Variants in FOXP2 observed in about 807,000 individuals in gnomAD.
FOXP2 encodes the protein forkhead box protein P2.
A neutral mutation model predicts 115.8 loss-of-function variants in FOXP2; 12 were observed. The ratio of observed to expected loss-of-function variants is 0.10; its 90% confidence interval spans 0.07 to 0.17. The LOEUF (loss-of-function observed/expected upper bound fraction) is 0.17, where lower values mean the gene tolerates loss of function less well. FOXP2 is among the 10% of genes least tolerant of loss of function. The probability of loss-of-function intolerance (pLI) is 1.00; values close to 1 mark genes in which losing one functional copy is unlikely to be tolerated. For synonymous variants in FOXP2, 328 were observed against 297.7 expected (o/e 1.10, Z -1.05); for missense variants, 629 against 843.5 (o/e 0.75, Z 3.15).
chr7:114,394,001 TGTGTGAGA>T (rs71149743), intron 2 of FOXP2, among the ~76,000 whole-genome samples: 59,606 of 101,714 alleles, frequency 0.59, 13,962 homozygotes, highest in East Asian at 0.86. Flanking sequence ...TGTGTGTGTG[TGTGTGAGA>T]GAGAGAGAGA....
At chr7:114,478,224 T>A (rs73436113) in intron 2 of FOXP2, among the ~76,000 whole-genome samples, 1,701 of 151,986 alleles carry the variant, frequency 0.011, 16 homozygotes, top group Middle Eastern at 0.031. Flanking sequence ...CACATGAGTA[T>A]GTTGAATGGG....
chr7:114,364,341 G>T (rs1791826112), intron 2 of FOXP2, among the ~76,000 whole-genome samples: 2 of 152,102 alleles, frequency 1.3e-5, no homozygotes, highest in Non-Finnish European at 1.5e-5. Flanking sequence ...ATGTGGCACA[G>T]GATACACCCC....
chr7:114,493,577 T>G (rs766077388), intron 2 of FOXP2, among the ~76,000 whole-genome samples: 9 of 152,042 alleles, frequency 5.9e-5, no homozygotes, highest in Non-Finnish European at 8.8e-5. Context: ...TCAATATCAT[T>G]TATGTACAAA....
chr7:114,489,156 A>AT (rs1355262977), intron 2 of FOXP2, among the ~76,000 whole-genome samples: 1 of 152,190 alleles, frequency 6.6e-6, no homozygotes, highest in African/African-American at 2.4e-5. Context: ...CACTGCTATG[A>AT]TAACACCACA....
intron 3 of FOXP2, among the ~76,000 whole-genome samples, chr7:114,569,458 A>C (rs1427580351): frequency 6.6e-6 from 1 of 151,962 alleles, no homozygotes; most frequent in Non-Finnish European, 1.5e-5. Flanking sequence ...AATTGGAGTT[A>C]ACCTCATAGT....
intron 1 of FOXP2, among the ~76,000 whole-genome samples, chr7:114,115,319 T>A (rs1791374661): frequency 6.6e-6 from 1 of 152,212 alleles, no homozygotes; most frequent in Non-Finnish European, 1.5e-5. Flanking sequence ...TCCAGAAGGT[T>A]CTCTAACACA....
At position 114,562,011 on chromosome 7, in the gene FOXP2, C is replaced by T. The variant is rs975948866; in HGVS notation, c.258+27305C>T. ...GTGGACCTAAGGAATTCCCATTCTGCGCACTATGTTCTCTTGCACCATACT... is the reference window on the plus strand; with the variant it reads ...GTGGACCTAAGGAATTCCCATTCTGTGCACTATGTTCTCTTGCACCATACT... On this transcript the variant is annotated intron_variant, in intron 3 of 16. Coordinates refer to ENST00000350908, the MANE Select transcript of FOXP2 (RefSeq NM_014491.4). 4.6e-5 allele frequency among the ~76,000 whole-genome samples: 7 copies of T among 152,166 alleles called. No homozygotes were observed. The East Asian group carries it at 5.8e-4, about 13-fold the overall frequency.
At chr7:114,679,525 G>A (rs984128368) in intron 16 of FOXP2, among the ~76,000 whole-genome samples, 1 of 152,112 alleles carries the variant, frequency 6.6e-6, no homozygotes, top group Non-Finnish European at 1.5e-5. Flanking sequence ...CCTTTGAGCA[G>A]AGATTAAATT....
chr7:114,568,555 T>C (rs1168150276), intron 3 of FOXP2, among the ~76,000 whole-genome samples: 1 of 151,848 alleles, frequency 6.6e-6, no homozygotes, highest in Non-Finnish European at 1.5e-5. Context: ...TATGGTTAGG[T>C]TTATGAAATT....
At chr7:114,647,943 A>G (rs1806008292) in intron 8 of FOXP2, among the ~76,000 whole-genome samples, 1 of 152,046 alleles carries the variant, frequency 6.6e-6, no homozygotes, top group Non-Finnish European at 1.5e-5. Context: ...CCTTTAAGAA[A>G]GGCAGGATGG....
chr7:114,439,143 C>A (rs1042628080), intron 2 of FOXP2, among the ~76,000 whole-genome samples: 1 of 152,086 alleles, frequency 6.6e-6, no homozygotes, highest in South Asian at 2.1e-4. Flanking sequence ...TTAAATTTTT[C>A]TCATTCCAAG....
At chr7:114,393,108 G>T (rs1028984540) in intron 2 of FOXP2, among the ~76,000 whole-genome samples, 1 of 152,084 alleles carries the variant, frequency 6.6e-6, no homozygotes, top group Admixed American at 6.6e-5. Context: ...TACACAAAAA[G>T]TACATAGAAT....
chr7:114,217,108 GATA>G (rs61616486), intron 1 of FOXP2, among the ~76,000 whole-genome samples: 2,603 of 152,206 alleles, frequency 0.017, 78 homozygotes, highest in African/African-American at 0.059. Context: ...CATTATAGGA[GATA>G]ATATCTTCCA....
chr7:114,440,564 G>A (rs778565574), intron 2 of FOXP2, among the ~76,000 whole-genome samples: 4 of 152,240 alleles, frequency 2.6e-5, no homozygotes, highest in Non-Finnish European at 5.9e-5. Context: ...AGTGTGTTCT[G>A]AGATCAGAAA....
intron 1 of FOXP2, among the ~76,000 whole-genome samples, chr7:114,138,068 A>G (rs1336679926): frequency 2.6e-5 from 4 of 152,190 alleles, no homozygotes; most frequent in Non-Finnish European, 5.9e-5. Context: ...TTGGAAAATA[A>G]ATACCCATGA....
chr7:114,298,052 C>A (rs1796787764), intron 2 of FOXP2, among the ~76,000 whole-genome samples: 1 of 152,032 alleles, frequency 6.6e-6, no homozygotes, highest in Admixed American at 6.6e-5. Flanking sequence ...CCGTTTATTT[C>A]TTTTGAGATT....
At chr7:114,483,373 A>C (rs1796638469) in intron 2 of FOXP2, among the ~76,000 whole-genome samples, 1 of 151,616 alleles carries the variant, frequency 6.6e-6, no homozygotes, top group Non-Finnish European at 1.5e-5. Flanking sequence ...ATACTATCAT[A>C]ACATTAAATA....
At chr7:114,423,125 C>T (rs1428663860) in intron 1 of FOXP2, among the ~76,000 whole-genome samples, 1 of 151,684 alleles carries the variant, frequency 6.6e-6, no homozygotes, top group Non-Finnish European at 1.5e-5. Flanking sequence ...CAATTTGAAA[C>T]ATGTCAAACA....
At chr7:114,473,978 G>C (rs1052496826) in intron 2 of FOXP2, among the ~76,000 whole-genome samples, 2 of 152,016 alleles carry the variant, frequency 1.3e-5, no homozygotes, top group African/African-American at 4.8e-5. Flanking sequence ...AACCCTGTTT[G>C]CAAGCATCAC....
Sources: allele counts gnomAD v4.1 joint callset (sites outside exome capture counted in the v4.1 genomes callset), GRCh38; gene constraint gnomAD v4.1.1; transcripts MANE v1.5; gene names NCBI Gene and HGNC (gene_info 2026-07-23, HGNC 2026-07-21).